TRHDE: variants seen among roughly 807,000 people sequenced by gnomAD.
TRHDE encodes the protein thyrotropin-releasing hormone-degrading ectoenzyme.
A neutral mutation model predicts 125.7 loss-of-function variants in TRHDE; 72 were observed. That is an observed-to-expected ratio of 0.57 (90% confidence interval 0.47 to 0.70). The LOEUF is 0.70. Among genes scored for constraint, TRHDE ranks in the 30% least tolerant of loss-of-function variants. The probability of loss-of-function intolerance (pLI) is 0.00; values close to 1 mark genes in which losing one functional copy is unlikely to be tolerated. For missense variants in TRHDE, 1,110 were observed against 1,327.1 expected (o/e 0.84, Z 2.54); for synonymous variants, 509 against 509.1 (o/e 1.00, Z 0.00).
chr12:72,155,223 G>T (rs547825033), intron 2 of TRHDE, among the ~76,000 whole-genome samples: 1 of 152,210 alleles, frequency 6.6e-6, no homozygotes, highest in African/African-American at 2.4e-5. Flanking sequence ...TGTAGTTCTT[G>T]TGCCTTGGTT....
chr12:72,492,753 G>A (rs1274303643), intron 5 of TRHDE, among the ~76,000 whole-genome samples: 1 of 151,706 alleles, frequency 6.6e-6, no homozygotes, highest in African/African-American at 2.4e-5. Flanking sequence ...TTAACCTAGG[G>A]ACTCTTAAAA....
rs879633826 is a variant in TRHDE, at chr12:72,585,339, T to C, written c.2321+9797T>C. Among the ~76,000 whole-genome samples, 5 of 152,232 alleles carry C rather than the reference T, an allele frequency of 3.3e-5. No individual in the cohort carries two copies. In the South Asian group the frequency reaches 6.2e-4, roughly 19 times the overall value. ...TAAGATCATTGGCTATCAGGTTACA[T>C]AGAGTTGGAATTCTTGCTCTATGAA... On this transcript the variant is annotated intron_variant, in intron 12 of 18. Coordinates refer to ENST00000261180, the MANE Select transcript of TRHDE (RefSeq NM_013381.3).
intron 2 of TRHDE, among the ~76,000 whole-genome samples, chr12:72,241,260 T>C (rs1878477999): frequency 6.6e-6 from 1 of 152,148 alleles, no homozygotes; most frequent in African/African-American, 2.4e-5. Context: ...ACAGAACAGT[T>C]CTGTCACCTC....
intron 2 of TRHDE, among the ~76,000 whole-genome samples, chr12:72,152,980 C>T (rs1026434520): frequency 6.6e-6 from 1 of 152,144 alleles, no homozygotes; most frequent in Non-Finnish European, 1.5e-5. Context: ...GGTACCAGCT[C>T]CTCCTTGTAC....
At chr12:72,619,652 A>G (rs1046739135) in intron 13 of TRHDE, among the ~76,000 whole-genome samples, 1 of 152,146 alleles carries the variant, frequency 6.6e-6, no homozygotes, top group African/African-American at 2.4e-5. Context: ...ATGCCACCTA[A>G]TCTGATTTAA....
At chr12:72,341,258 T>A in intron 2 of TRHDE, among the ~76,000 whole-genome samples, 1 of 151,982 alleles carries the variant, frequency 6.6e-6, no homozygotes, top group East Asian at 1.9e-4. Flanking sequence ...ACATTAGGTA[T>A]TTCTCCTAAT....
intron 2 of TRHDE, among the ~76,000 whole-genome samples, chr12:72,346,582 A>G (rs532515622): frequency 5.9e-5 from 9 of 152,124 alleles, no homozygotes; most frequent in African/African-American, 1.7e-4. Flanking sequence ...TCAAGCACAA[A>G]GGCACCCTAT....
chr12:72,612,639 T>C (rs1464926709), intron 12 of TRHDE, among the ~76,000 whole-genome samples: 2 of 152,194 alleles, frequency 1.3e-5, no homozygotes, highest in Admixed American at 6.5e-5. Context: ...AGTATAAGTA[T>C]TCTAAAGGAT....
At chr12:72,564,652 A>ATT (rs1336210594) in intron 9 of TRHDE, among the ~76,000 whole-genome samples, 9 of 62,864 alleles carry the variant, frequency 1.4e-4, no homozygotes, top group Non-Finnish European at 2.6e-4. Context: ...CATGCGTATG[A>ATT]ATTTTTTTTT....
chr12:72,138,831 C>G (rs940707454), intron 2 of TRHDE, among the ~76,000 whole-genome samples: 1 of 152,204 alleles, frequency 6.6e-6, no homozygotes, highest in African/African-American at 2.4e-5. Flanking sequence ...CCAGACTTCC[C>G]TGGTGGACAT....
intron 6 of TRHDE, among the ~76,000 whole-genome samples, chr12:72,541,208 T>C (rs1282863501): frequency 6.6e-6 from 1 of 151,618 alleles, no homozygotes; most frequent in Non-Finnish European, 1.5e-5. Context: ...TAAAGCAATT[T>C]GTAACCCCGA....
chr12:72,637,653 T>C (rs1262182283), intron 15 of TRHDE, among the ~76,000 whole-genome samples: 1 of 152,154 alleles, frequency 6.6e-6, no homozygotes, highest in East Asian at 1.9e-4. Context: ...TGCTATAAAT[T>C]TGCCTCTACA....
chr12:72,131,400 A>C (rs1009072404), intron 2 of TRHDE, among the ~76,000 whole-genome samples: 7 of 152,062 alleles, frequency 4.6e-5, no homozygotes, highest in African/African-American at 1.7e-4. Context: ...AGTTTACCAA[A>C]AATTATATTG....
chr12:72,300,952 C>G (rs1868252912), intron 2 of TRHDE, among the ~76,000 whole-genome samples: 1 of 152,070 alleles, frequency 6.6e-6, no homozygotes, highest in Admixed American at 6.5e-5. Context: ...AAGTTTTTCT[C>G]TTTGCATTCT....
chr12:72,526,580 C>A (rs1868342272), intron 6 of TRHDE, among the ~76,000 whole-genome samples: 3 of 152,108 alleles, frequency 2.0e-5, no homozygotes, highest in Admixed American at 2.0e-4. Context: ...AAAATCATTT[C>A]TTCATACCCT....
At chr12:72,650,454 T>G (rs1874460234) in intron 15 of TRHDE, among the ~76,000 whole-genome samples, 2 of 152,132 alleles carry the variant, frequency 1.3e-5, no homozygotes, top group South Asian at 4.1e-4. Flanking sequence ...TTTAGTATAT[T>G]CTGTTACTTT....
chr12:72,387,859 G>A (rs1190046778), intron 3 of TRHDE, among the ~76,000 whole-genome samples: 1 of 152,100 alleles, frequency 6.6e-6, no homozygotes, highest in Admixed American at 6.5e-5. Context: ...CTTCTGCCAT[G>A]ATTGTGAGGC....
At chr12:72,464,116 C>A (rs2135889437) in intron 3 of TRHDE, among the ~76,000 whole-genome samples, 1 of 152,280 alleles carries the variant, frequency 6.6e-6, no homozygotes, top group African/African-American at 2.4e-5. Context: ...AGGCCCAGCA[C>A]ACTGGGGGCC....
intron 2 of TRHDE, among the ~76,000 whole-genome samples, chr12:72,219,485 G>T (rs1187728311): frequency 6.6e-6 from 1 of 152,088 alleles, no homozygotes; most frequent in Admixed American, 6.6e-5. Flanking sequence ...CATTTTCAGG[G>T]AAGGATTCCA....
Sources: allele counts gnomAD v4.1 joint callset (sites outside exome capture counted in the v4.1 genomes callset), GRCh38; gene constraint gnomAD v4.1.1; transcripts MANE v1.5; gene names NCBI Gene and HGNC (gene_info 2026-07-23, HGNC 2026-07-21).